CENPK: variants seen among roughly 807,000 people sequenced by gnomAD.
CENPK encodes the protein centromere protein K, also known as SoxLZ/Sox6-binding protein Solt.
Under a neutral mutation model 40.9 loss-of-function variants are expected in CENPK, and 46 were observed. The observed-to-expected ratio is 1.13, with a 90% CI of 0.89 to 1.44. CENPK has a LOEUF of 1.44. Ranked by LOEUF, CENPK falls within the 40% of genes most tolerant of loss-of-function variation. CENPK has a pLI of 0.00. For missense variants in CENPK, 288 were observed against 303.5 expected (o/e 0.95, Z 0.38); for synonymous variants, 107 against 104.4 (o/e 1.02, Z -0.15).
chr5:65,515,707 ATAAGT>A (rs1232909950), downstream of CENPK, among the ~76,000 whole-genome samples: 7 of 152,108 alleles, frequency 4.6e-5, no homozygotes, highest in South Asian at 8.3e-4. Context: ...TTTGAAAAGA[ATAAGT>A]TAATTACCCT....
the CENPK span, among the ~76,000 whole-genome samples, chr5:65,496,086 G>A: frequency 3.3e-5 from 5 of 152,042 alleles, no homozygotes; most frequent in African/African-American, 7.2e-5. Context: ...GCAAAACCCC[G>A]TCTCTACAAA....
In CENPK at chr5:65,526,354, G is replaced by A. The variant is rs565969087; in HGVS notation, c.597+2098C>T. On this transcript the variant is annotated intron_variant, in intron 9 of 10. Transcript: ENST00000396679. Reference sequence around the variant, plus strand: ...CTGTCATACTTTTACAAATAAATAAGAGGTAAAAAACAATAATAGAATGGA... The same window carrying A: ...CTGTCATACTTTTACAAATAAATAAAAGGTAAAAAACAATAATAGAATGGA... Among the ~76,000 whole-genome samples, 14 of 152,118 alleles carry A rather than the reference G, an allele frequency of 9.2e-5. No individual in the cohort carries two copies. The South Asian group carries it at 2.7e-3, about 29-fold the overall frequency.
intron 6 of CENPK, among the ~76,000 whole-genome samples, chr5:65,531,139 G>A (rs1305316379): frequency 2.6e-5 from 4 of 152,076 alleles, no homozygotes; most frequent in Non-Finnish European, 5.9e-5. Flanking sequence ...CTGGGCAACG[G>A]AGCAAGATCC....
the CENPK span, among the ~76,000 whole-genome samples, chr5:65,510,107 A>G: frequency 1.3e-5 from 2 of 152,252 alleles, no homozygotes; most frequent in African/African-American, 2.4e-5. Flanking sequence ...GAAGAATCGC[A>G]TATTTCTCAC....
At position 65,552,444 on chromosome 5, in the gene CENPK, C is replaced by A. The variant is rs183169838; in HGVS notation, c.168+49G>T. On this transcript the variant is annotated intron_variant, in intron 4 of 10. Coordinates refer to ENST00000396679, the MANE Select transcript of CENPK (RefSeq NM_022145.5). The stretch of plus-strand genomic sequence containing the variant: ...ACACACATATTTATTTTCCAAAATA[C>A]AATTAATTCCACTTACCTTGTATTT... 47 of 1,202,154 alleles carry A rather than the reference C, an allele frequency of 3.9e-5. No homozygotes were observed. In the African/African-American group the frequency reaches 6.6e-4, roughly 17 times the overall value. 74.5% of individuals were successfully genotyped at this position (1,202,154 alleles called of 1,614,324 possible). A position where few individuals can be genotyped will look rare whatever the true frequency, so the allele number is the denominator to read the frequency against.
Position 65,529,102 on chromosome 5 carries a change from G to GT in CENPK, c.371+14dup. ...TATATATGAATGATTAATAGTAATT[G>GT]TAACATAAACAAACCTTTCTAAGTC... On this transcript the variant is annotated intron_variant, in intron 7 of 10. Transcript: ENST00000396679. The GT allele has an allele frequency of 6.4e-7, 1 of 1,572,508 alleles. No individual in the cohort carries two copies. The highest frequency in any genetic ancestry group is 8.7e-7 in the Non-Finnish European group (1 of 1,145,218).
Position 65,518,139 on chromosome 5 carries a change from G to C in CENPK, c.*336C>G, listed in dbSNP as rs1231285212. On this transcript the variant is annotated 3_prime_UTR_variant, in exon 11 of 11. Transcript: ENST00000396679. Reference sequence around the variant, plus strand: ...GAACTCAAAATGCATAAAAGATATTGTTATATATTTTAAGAAAATATTATA... The same window carrying C: ...GAACTCAAAATGCATAAAAGATATTCTTATATATTTTAAGAAAATATTATA... 5 of 157,210 alleles carry C rather than the reference G, an allele frequency of 3.2e-5. No individual in the cohort carries two copies. Among genetic ancestry groups the C allele is most frequent in the Non-Finnish European group, 5.6e-5 (4 of 71,664 alleles). 9.7% of individuals were successfully genotyped at this position (157,210 alleles called of 1,614,324 possible). A position where few individuals can be genotyped will look rare whatever the true frequency, so the allele number is the denominator to read the frequency against.
chr5:65,528,414 A>T, intron 9 of CENPK, 38 bp downstream of exon 9: 2 of 1,554,748 alleles, frequency 1.3e-6, no homozygotes, highest in Non-Finnish European at 1.7e-6. Context: ...ATAATTTCAA[A>T]TATGATAATT....
intron 1 of CENPK, chr5:65,562,866 G>C (rs1752268269): frequency 6.4e-6 from 1 of 156,818 alleles, no homozygotes; most frequent in African/African-American, 2.4e-5. Context: ...TAGTGCATCT[G>C]AAAGGAAACC....
At chr5:65,533,683 G>A (rs991739184) in intron 6 of CENPK, among the ~76,000 whole-genome samples, 1 of 152,072 alleles carries the variant, frequency 6.6e-6, no homozygotes, top group African/African-American at 2.4e-5. Flanking sequence ...AGTTTCTCAA[G>A]TTCACTGGAT....
chr5:65,559,899 T>C (rs1561705164), intron 2 of CENPK, among the ~76,000 whole-genome samples: 1 of 151,964 alleles, frequency 6.6e-6, no homozygotes. Flanking sequence ...ATTTTATATA[T>C]AATACTGTTT....
intron 6 of CENPK, among the ~76,000 whole-genome samples, chr5:65,533,596 AAG>A (rs1329236686): frequency 6.6e-6 from 1 of 152,058 alleles, no homozygotes; most frequent in Non-Finnish European, 1.5e-5. Context: ...ACCCCCCAAA[AAG>A]AGATAAAAAT....
intron 5 of CENPK, among the ~76,000 whole-genome samples, chr5:65,543,423 G>A (rs1437743355): frequency 6.6e-6 from 1 of 152,020 alleles, no homozygotes; most frequent in African/African-American, 2.4e-5. Context: ...TACTTTCCCT[G>A]TAGTCATATA....
intron 10 of CENPK, 65 bp downstream of exon 10, chr5:65,521,410 G>T: frequency 8.2e-7 from 1 of 1,212,942 alleles, no homozygotes; most frequent in Non-Finnish European, 1.2e-6. Context: ...TTTCAAGTCT[G>T]AGTATAATTG....
chr5:65,529,147 T>A lies in CENPK; in HGVS notation c.341A>T (p.Lys114Met), dbSNP rs748850005. 1.1e-5 allele frequency: 17 copies of A among 1,610,826 alleles called. No homozygotes were observed. In the East Asian group the frequency reaches 3.6e-4, roughly 34 times the overall value. ...TAAGTCTTCCTTTAACTTTTCATTC[T>A]TTGACTCCTTAGTGGACAGTACCAT... ...LEMVLSTKESKNEKLKEDLER... is the reference protein window; with the variant it reads ...LEMVLSTKESMNEKLKEDLER... The change falls in exon 7 of 11, where the codon AAG becomes ATG. Residue 114 changes from lysine (K) to methionine (M), a missense_variant. Coordinates refer to ENST00000396679, the MANE Select transcript of CENPK (RefSeq NM_022145.5).
chr5:65,553,026 T>C (rs1750367128), intron 3 of CENPK, among the ~76,000 whole-genome samples: 1 of 152,296 alleles, frequency 6.6e-6, no homozygotes, highest in Non-Finnish European at 1.5e-5. Flanking sequence ...TGCTCATTTG[T>C]AATGCAGCAT....
intron 3 of CENPK, among the ~76,000 whole-genome samples, chr5:65,554,228 G>A (rs1042728042): frequency 6.6e-6 from 1 of 150,956 alleles, no homozygotes; most frequent in African/African-American, 2.4e-5. Flanking sequence ...TGCAACATCC[G>A]CCTCCTGGGT....
At chr5:65,544,349 C>T (rs1182106927) in intron 5 of CENPK, among the ~76,000 whole-genome samples, 1 of 152,108 alleles carries the variant, frequency 6.6e-6, no homozygotes, top group Non-Finnish European at 1.5e-5. Context: ...TATATTTAGG[C>T]CACAGCAGAC....
chr5:65,521,326 C>A, intron 10 of CENPK, 149 bp downstream of exon 10: 1 of 616,526 alleles, frequency 1.6e-6, no homozygotes. Context: ...AATTTTATAC[C>A]AAAGATATAT....
Sources: allele counts gnomAD v4.1 joint callset (sites outside exome capture counted in the v4.1 genomes callset), GRCh38; gene constraint gnomAD v4.1.1; transcripts MANE v1.5; gene names NCBI Gene and HGNC (gene_info 2026-07-23, HGNC 2026-07-21).